The following CPPED1 variants were observed in gnomAD, a reference collection of about 807,000 sequenced individuals.
CPPED1 encodes the protein calcineurin like phosphoesterase domain containing 1, also known as serine/threonine-protein phosphatase CPPED1.
In CPPED1, 28 loss-of-function variants were observed where a neutral mutation model predicts 28.0. That is an observed-to-expected ratio of 1.00 (90% CI 0.74 to 1.37). CPPED1 has a LOEUF of 1.37. CPPED1 is among the 40% of genes most tolerant of loss of function. The pLI is 0.00. For synonymous variants in CPPED1, 198 were observed against 180.2 expected (o/e 1.10, Z -0.79); for missense variants, 504 against 416.5 (o/e 1.21, Z -1.83).
chr16:12,758,937 A>G (rs1358560856), intron 2 of CPPED1, among the ~76,000 whole-genome samples: 1 of 151,986 alleles, frequency 6.6e-6, no homozygotes, highest in Non-Finnish European at 1.5e-5. Flanking sequence ...CAGAGGCAGG[A>G]GGATCGCTTG....
At chr16:12,722,323 G>C (rs748181697) in intron 2 of CPPED1, among the ~76,000 whole-genome samples, 1 of 152,168 alleles carries the variant, frequency 6.6e-6, no homozygotes, top group South Asian at 2.1e-4. Flanking sequence ...AGTAGATGCC[G>C]AGCAGTTAGT....
chr16:12,734,058 G>GTTTT lies in CPPED1; in HGVS notation c.290-29013_290-29010dup, dbSNP rs71142517. ...CTTTGTCTCTGTTTTCAAATTACAC[G>GTTTT]TTTTTTTTTTTTTTTTTTTTTTTTT... On this transcript the variant is annotated intron_variant, in intron 2 of 3. Transcript: ENST00000381774. Among the ~76,000 whole-genome samples the GTTTT allele has an allele frequency of 9.0e-4, 58 of 64,416 alleles. 13 individuals carry two copies. The highest frequency in any genetic ancestry group is 4.8e-3 in the East Asian group (9 of 1,878). 42.3% of individuals were successfully genotyped at this position (64,416 alleles called of 152,430 possible).
rs976261321 is a variant in CPPED1 at position 12,688,627 on chromosome 16, G to C, written c.715+15997C>G. The stretch of plus-strand genomic sequence containing the variant: ...ACTGGGATTACAGGCCTGATTCATC[G>C]CGCCCAGCCCCTACTCCACGACTTC... On this transcript the variant is annotated intron_variant, in intron 3 of 3. Transcript: ENST00000381774. Among the ~76,000 whole-genome samples the C allele has an allele frequency of 1.3e-5, 2 of 151,886 alleles. 1 individual carries two copies. Among genetic ancestry groups the C allele is most frequent in the South Asian group, 4.2e-4 (2 of 4,818 alleles).
chr16:12,734,058 G>GTTTTTTTTTTTTTTTTT lies in CPPED1; in HGVS notation c.290-29026_290-29010dup, dbSNP rs71142517. Among the ~76,000 whole-genome samples, 2 of 64,424 alleles carry GTTTTTTTTTTTTTTTTT rather than the reference G, an allele frequency of 3.1e-5. 1 individual carries two copies. Among genetic ancestry groups the GTTTTTTTTTTTTTTTTT allele is most frequent in the African/African-American group, 1.7e-4 (2 of 11,722 alleles). The allele number at this position is 64,424 out of a possible 152,430, so 42.3% of individuals were successfully genotyped here. A position where few individuals can be genotyped will look rare whatever the true frequency, so the allele number is the denominator to read the frequency against. On this transcript the variant is annotated intron_variant, in intron 2 of 3. Transcript: ENST00000381774. Reference sequence around the variant, plus strand: ...CTTTGTCTCTGTTTTCAAATTACACGTTTTTTTTTTTTTTTTTTTTTTTTT... The same window carrying GTTTTTTTTTTTTTTTTT: ...CTTTGTCTCTGTTTTCAAATTACACGTTTTTTTTTTTTTTTTTTTTTTTTTTTTTTTTTTTTTTTTTT...
At chr16:12,771,307 A>G (rs1005979854) in intron 2 of CPPED1, among the ~76,000 whole-genome samples, 1 of 152,236 alleles carries the variant, frequency 6.6e-6, no homozygotes, top group South Asian at 2.1e-4. Flanking sequence ...TGAATTGACT[A>G]TTTATTCATG....
intron 3 of CPPED1, among the ~76,000 whole-genome samples, chr16:12,692,007 C>G (rs180821912): frequency 9.2e-5 from 14 of 152,136 alleles, no homozygotes; most frequent in South Asian, 2.1e-4. Flanking sequence ...GCATGCACCA[C>G]CATGCCTGGA....
In CPPED1 at chr16:12,717,466, G is replaced by A. The variant is rs1411212727; in HGVS notation, c.290-12417C>T. 1.4e-4 allele frequency among the ~76,000 whole-genome samples: 21 copies of A among 152,198 alleles called. No individual in the cohort carries two copies. The South Asian group carries it at 1.5e-3, about 11-fold the overall frequency. On this transcript the variant is annotated intron_variant, in intron 2 of 3. Transcript: ENST00000381774. ...TTTTTAGTACAGACAGGGTTTCACC[G>A]TGTTAGCCAGGATGGTCTCAATCTC... is the stretch of plus-strand genomic sequence containing the variant.
rs1229482235 is a variant in CPPED1, at chr16:12,661,726, G to A, written c.*3160C>T. The A allele has an allele frequency of 1.3e-5, 2 of 152,292 alleles. No homozygotes were observed. The highest frequency in any genetic ancestry group is 2.9e-5 in the Non-Finnish European group (2 of 68,118). The allele number at this position is 152,292 out of a possible 1,614,324, so 9.4% of individuals were successfully genotyped here. ...CTGCGGACAGTTACTGCTGCAGACAGGGCTGTGTCCCGTGACTCATTATGG... is the reference window on the plus strand; with the variant it reads ...CTGCGGACAGTTACTGCTGCAGACAAGGCTGTGTCCCGTGACTCATTATGG... On this transcript the variant is annotated 3_prime_UTR_variant, in exon 4 of 4. Transcript: ENST00000381774.
intron 1 of CPPED1, among the ~76,000 whole-genome samples, chr16:12,786,151 G>A (rs2080561974): frequency 6.6e-6 from 1 of 152,230 alleles, no homozygotes; most frequent in African/African-American, 2.4e-5. Context: ...AGATGGCAGG[G>A]CTGGGCCACA....
intron 1 of CPPED1, among the ~76,000 whole-genome samples, chr16:12,794,632 T>G (rs558790190): frequency 6.6e-6 from 1 of 152,306 alleles, no homozygotes; most frequent in African/African-American, 2.4e-5. Context: ...GGTAGTGCAT[T>G]CCTAATCTGT....
In CPPED1 at chr16:12,742,026, A is replaced by G. The variant is rs867327368; in HGVS notation, c.290-36977T>C. Among the ~76,000 whole-genome samples the G allele has an allele frequency of 3.9e-5, 6 of 152,268 alleles. 1 individual carries two copies. The highest frequency in any genetic ancestry group is 6.5e-5 in the Admixed American group (1 of 15,286). ...GGTCACAGTGAGTCGAGATCAGACC[A>G]CTGCACTCCAGCCTAGGTGACAGAA... is the stretch of plus-strand genomic sequence containing the variant. On this transcript the variant is annotated intron_variant, in intron 2 of 3. Transcript: ENST00000381774.
chr16:12,701,251 C>T (rs536617306), intron 3 of CPPED1, among the ~76,000 whole-genome samples: 27 of 151,730 alleles, frequency 1.8e-4, no homozygotes, highest in African/African-American at 4.6e-4. Context: ...ATGTTGAGGC[C>T]GGGTGTGGTG....
chr16:12,717,430 A>AT (rs2080113104), intron 2 of CPPED1, among the ~76,000 whole-genome samples: 1 of 151,968 alleles, frequency 6.6e-6, no homozygotes, highest in Non-Finnish European at 1.5e-5. Context: ...CGCCTGGCTA[A>AT]TTTTTTTGTA....
chr16:12,796,505 C>A (rs1008490823), intron 1 of CPPED1, among the ~76,000 whole-genome samples: 1 of 151,234 alleles, frequency 6.6e-6, no homozygotes, highest in African/African-American at 2.4e-5. Context: ...AAAAAAACAA[C>A]AAAAAAAACT....
rs2079786560 is a variant in CPPED1 at position 12,660,254 on chromosome 16, T to A, written c.*4632A>T. 1 of 152,208 alleles carries A rather than the reference T, an allele frequency of 6.6e-6. No homozygotes were observed. Among genetic ancestry groups the A allele is most frequent in the African/African-American group, 2.4e-5 (1 of 41,460 alleles). 9.4% of individuals were successfully genotyped at this position (152,208 alleles called of 1,614,324 possible). On this transcript the variant is annotated 3_prime_UTR_variant, in exon 4 of 4. Coordinates refer to ENST00000381774, the MANE Select transcript of CPPED1 (RefSeq NM_018340.3). ...ATTCTAAGTGTGCTGCAAAGCCCCT[T>A]TAGTGAAGAAATCTACTTCTCAAAC...
At chr16:12,713,169 G>A (rs74011883) in intron 2 of CPPED1, among the ~76,000 whole-genome samples, 7,163 of 152,072 alleles carry the variant, frequency 0.047, 571 homozygotes, top group African/African-American at 0.16. Flanking sequence ...TGCTCAGGAC[G>A]AATTGTGTTC....
At chr16:12,684,756 G>A (rs571942636) in intron 3 of CPPED1, among the ~76,000 whole-genome samples, 1 of 152,314 alleles carries the variant, frequency 6.6e-6, no homozygotes, top group South Asian at 2.1e-4. Flanking sequence ...GGCCACGTGT[G>A]TTTAACTGAA....
chr16:12,792,355 A>G (rs2080601812), intron 1 of CPPED1, among the ~76,000 whole-genome samples: 1 of 152,168 alleles, frequency 6.6e-6, no homozygotes, highest in African/African-American at 2.4e-5. Context: ...ATTTTGAGGT[A>G]TCACACTGGG....
intron 2 of CPPED1, among the ~76,000 whole-genome samples, chr16:12,755,309 T>C (rs919932741): frequency 2.3e-5 from 3 of 129,614 alleles, no homozygotes; most frequent in African/African-American, 8.7e-5. Flanking sequence ...TGAGACAAGG[T>C]CTCCCTCTGT....
Sources: allele counts gnomAD v4.1 joint callset (sites outside exome capture counted in the v4.1 genomes callset), GRCh38; gene constraint gnomAD v4.1.1; transcripts MANE v1.5; gene names NCBI Gene and HGNC (gene_info 2026-07-23, HGNC 2026-07-21).